Variants in CPEB3 observed in about 807,000 individuals in gnomAD.
CPEB3 encodes the protein cytoplasmic polyadenylation element binding protein 3.
A neutral mutation model predicts 67.2 loss-of-function variants in CPEB3; 20 were observed. The observed-to-expected ratio is 0.30, with a 90% confidence interval of 0.21 to 0.43. The LOEUF is 0.43. CPEB3 is among the 20% of genes least tolerant of loss of function. The pLI, the probability that CPEB3 is intolerant of heterozygous loss-of-function variation, is 1.00. For missense variants in CPEB3, 746 were observed against 968.6 expected (o/e 0.77, Z 3.05); for synonymous variants, 376 against 393.1 (o/e 0.96, Z 0.51).
Position 92,192,379 on chromosome 10 carries a change from C to G in CPEB3, c.1165+98G>C, listed in dbSNP as rs577445429. The G allele has an allele frequency of 1.4e-5, 17 of 1,225,314 alleles. No homozygotes were observed. In the African/African-American group the frequency reaches 2.6e-4, roughly 19 times the overall value. 75.9% of individuals were successfully genotyped at this position (1,225,314 alleles called of 1,614,324 possible). On this transcript the variant is annotated intron_variant, in intron 3 of 9. Transcript: ENST00000265997. ...ATGCTTTACAGAAGCAAAACAAAAA[C>G]AAGCAAACAAAAAACAAACCAGAAA... is the stretch of plus-strand genomic sequence containing the variant.
intron 3 of CPEB3, among the ~76,000 whole-genome samples, chr10:92,184,466 G>A (rs866411720): frequency 2.6e-5 from 4 of 152,120 alleles, no homozygotes; most frequent in African/African-American, 9.7e-5. Context: ...TTAGCTGGGT[G>A]TGGTGGCATG....
chr10:92,169,010 G>A (rs889594797), intron 4 of CPEB3, among the ~76,000 whole-genome samples: 7 of 150,990 alleles, frequency 4.6e-5, no homozygotes, highest in Non-Finnish European at 1.0e-4. Context: ...TGGTCAGGCT[G>A]GTCTCAAACT....
chr10:92,084,569 A>T (rs1034594427), intron 8 of CPEB3, among the ~76,000 whole-genome samples: 3 of 151,928 alleles, frequency 2.0e-5, no homozygotes, highest in Non-Finnish European at 4.4e-5. Flanking sequence ...TCTGTATTTT[A>T]TTATTTATTT....
chr10:92,227,030 A>T (rs994580118), intron 2 of CPEB3, among the ~76,000 whole-genome samples: 2 of 152,226 alleles, frequency 1.3e-5, no homozygotes, highest in African/African-American at 4.8e-5. Context: ...TCATCTGAAA[A>T]GCAAGGTTGT....
At chr10:92,070,287 G>C (rs186118911) in intron 9 of CPEB3, among the ~76,000 whole-genome samples, 2 of 152,242 alleles carry the variant, frequency 1.3e-5, no homozygotes, top group Admixed American at 1.3e-4. Context: ...GAATAAACCA[G>C]CCTTTCTTTA....
intron 8 of CPEB3, among the ~76,000 whole-genome samples, chr10:92,085,932 T>G (rs1170710672): frequency 3.9e-5 from 6 of 152,100 alleles, no homozygotes; most frequent in African/African-American, 1.4e-4. Flanking sequence ...TTTACAAAGA[T>G]GTGAAAGGGT....
At chr10:92,184,519 C>T (rs1229049084) in intron 3 of CPEB3, among the ~76,000 whole-genome samples, 4 of 152,064 alleles carry the variant, frequency 2.6e-5, no homozygotes, top group Admixed American at 1.3e-4. Flanking sequence ...GCAGGAGAAT[C>T]GCTTAAACCT....
chr10:92,076,672 C>T (rs1842945804), intron 9 of CPEB3, among the ~76,000 whole-genome samples: 1 of 152,064 alleles, frequency 6.6e-6, no homozygotes, highest in African/African-American at 2.4e-5. Flanking sequence ...CTTTGGCCTC[C>T]CAAAATGCTT....
At position 92,067,585 on chromosome 10, in the gene CPEB3, G is replaced by A. The variant is rs191371911; in HGVS notation, c.1869+13735C>T. Among the ~76,000 whole-genome samples, 1,229 of 152,204 alleles carry A rather than the reference G, an allele frequency of 8.1e-3. 11 individuals are homozygous for A. Among genetic ancestry groups the A allele is most frequent in the African/African-American group, 0.028 (1,151 of 41,522 alleles). ...TGTAATCCCTGCACTTTGGGAGGCC[G>A]AGGCAGGCGGATCACCTGAGGTCAG... On this transcript the variant is annotated intron_variant, in intron 9 of 9. Coordinates refer to ENST00000265997, the MANE Select transcript of CPEB3 (RefSeq NM_014912.5).
At chr10:92,150,252 C>G (rs1449756225) in intron 4 of CPEB3, among the ~76,000 whole-genome samples, 1 of 151,528 alleles carries the variant, frequency 6.6e-6, no homozygotes, top group Non-Finnish European at 1.5e-5. Context: ...TGCTCTCTCT[C>G]TCTCTTTTTT....
intron 2 of CPEB3, among the ~76,000 whole-genome samples, chr10:92,229,235 T>A (rs539342922): frequency 4.5e-4 from 69 of 152,124 alleles, no homozygotes; most frequent in African/African-American, 1.6e-3. Flanking sequence ...GGTCTCACTA[T>A]GTTGCCCAAG....
chr10:92,110,437 A>C (rs376078922), intron 7 of CPEB3, among the ~76,000 whole-genome samples: 1 of 152,208 alleles, frequency 6.6e-6, no homozygotes, highest in African/African-American at 2.4e-5. Flanking sequence ...CCCCTTCTCC[A>C]CTGATAGCTC....
chr10:92,280,598 C>T (rs550532648), intron 1 of CPEB3, among the ~76,000 whole-genome samples: 7 of 146,824 alleles, frequency 4.8e-5, no homozygotes, highest in Non-Finnish European at 7.5e-5. Flanking sequence ...GGTACATGCC[C>T]GTAGTCCCAG....
intron 6 of CPEB3, among the ~76,000 whole-genome samples, chr10:92,130,074 C>T (rs1039030846): frequency 6.6e-6 from 1 of 151,676 alleles, no homozygotes; most frequent in African/African-American, 2.4e-5. Flanking sequence ...AGCCACACTT[C>T]CTTCATTTCT....
chr10:92,085,502 A>G (rs894684576), intron 8 of CPEB3, among the ~76,000 whole-genome samples: 1 of 152,230 alleles, frequency 6.6e-6, no homozygotes, highest in Non-Finnish European at 1.5e-5. Context: ...AGCAATATGG[A>G]GCATAGCATC....
chr10:92,162,913 C>T (rs1375256087), intron 4 of CPEB3, among the ~76,000 whole-genome samples: 2 of 152,086 alleles, frequency 1.3e-5, no homozygotes, highest in Non-Finnish European at 2.9e-5. Context: ...CCAGAGATTT[C>T]GTGTACGCCC....
chr10:92,065,466 C>A (rs1258165299), intron 9 of CPEB3, among the ~76,000 whole-genome samples: 1 of 152,094 alleles, frequency 6.6e-6, no homozygotes, highest in East Asian at 1.9e-4. Flanking sequence ...AGTGATCTGC[C>A]CGCTTTGGCC....
At chr10:92,261,088 A>AG (rs1852777636) in intron 1 of CPEB3, among the ~76,000 whole-genome samples, 1 of 152,088 alleles carries the variant, frequency 6.6e-6, no homozygotes, top group Non-Finnish European at 1.5e-5. Flanking sequence ...AGGGATCATC[A>AG]GGGGAAAAAA....
chr10:92,097,406 G>A (rs1197484706), intron 7 of CPEB3, among the ~76,000 whole-genome samples: 1 of 152,170 alleles, frequency 6.6e-6, no homozygotes, highest in African/African-American at 2.4e-5. Context: ...GCACATATGA[G>A]AGAAAATACA....
Sources: allele counts gnomAD v4.1 joint callset (sites outside exome capture counted in the v4.1 genomes callset), GRCh38; gene constraint gnomAD v4.1.1; transcripts MANE v1.5; gene names NCBI Gene and HGNC (gene_info 2026-07-23, HGNC 2026-07-21).